SLC10A7: variants seen among roughly 807,000 people sequenced by gnomAD.
The protein encoded by SLC10A7 is solute carrier family 10 member 7.
In SLC10A7, 29 loss-of-function variants were observed where a neutral mutation model predicts 43.2. The observed-to-expected ratio is 0.67, with a 90% CI of 0.50 to 0.92. The LOEUF (loss-of-function observed/expected upper bound fraction) is 0.92. Ranked by LOEUF, SLC10A7 falls within the 40% of genes least tolerant of loss-of-function variation. SLC10A7 has a pLI of 0.00. For synonymous variants in SLC10A7, 152 were observed against 144.8 expected (o/e 1.05, Z -0.35); for missense variants, 295 against 403.2 (o/e 0.73, Z 2.30).
At chr4:146,349,270 T>G (rs917309730) in intron 5 of SLC10A7, among the ~76,000 whole-genome samples, 1 of 151,998 alleles carries the variant, frequency 6.6e-6, no homozygotes, top group South Asian at 2.1e-4. Flanking sequence ...ATGCTCAACA[T>G]CAACAATTAT....
intron 10 of SLC10A7, among the ~76,000 whole-genome samples, chr4:146,268,269 C>G (rs554373652): frequency 6.6e-6 from 1 of 152,284 alleles, no homozygotes; most frequent in African/African-American, 2.4e-5. Flanking sequence ...TCCTAAGAGA[C>G]TTGGCCTTCC....
At chr4:146,498,676 A>C (rs1006649978) in intron 4 of SLC10A7, among the ~76,000 whole-genome samples, 7 of 152,248 alleles carry the variant, frequency 4.6e-5, no homozygotes, top group Non-Finnish European at 1.0e-4. Context: ...ACTACTAAAC[A>C]GTATCATTTG....
At chr4:146,312,360 A>G (rs1269365683) in intron 6 of SLC10A7, among the ~76,000 whole-genome samples, 1 of 152,182 alleles carries the variant, frequency 6.6e-6, no homozygotes, top group Non-Finnish European at 1.5e-5. Flanking sequence ...ATATACATAT[A>G]TATTACAAAA....
chr4:146,455,000 T>C (rs577528702), intron 4 of SLC10A7, among the ~76,000 whole-genome samples: 1 of 151,908 alleles, frequency 6.6e-6, no homozygotes, highest in Admixed American at 6.6e-5. Context: ...TTTGATATTA[T>C]ATCTTTTAAA....
chr4:146,260,073 A>G (rs1728127225), intron 10 of SLC10A7, among the ~76,000 whole-genome samples: 1 of 152,236 alleles, frequency 6.6e-6, no homozygotes, highest in African/African-American at 2.4e-5. Context: ...ACAGCCTCAC[A>G]TATCATTGCC....
At chr4:146,387,739 A>C (rs772222778) in intron 5 of SLC10A7, among the ~76,000 whole-genome samples, 1 of 152,232 alleles carries the variant, frequency 6.6e-6, no homozygotes, top group Non-Finnish European at 1.5e-5. Context: ...AAGTTTCAGG[A>C]TACAAAATCA....
At chr4:146,269,644 C>T (rs1728775377) in intron 10 of SLC10A7, among the ~76,000 whole-genome samples, 1 of 152,212 alleles carries the variant, frequency 6.6e-6, no homozygotes, top group Admixed American at 6.5e-5. Context: ...CTGACTGGCT[C>T]TGGAACTGTT....
intron 5 of SLC10A7, among the ~76,000 whole-genome samples, chr4:146,382,375 T>C (rs2149792818): frequency 6.6e-6 from 1 of 152,252 alleles, no homozygotes; most frequent in Non-Finnish European, 1.5e-5. Flanking sequence ...ACTAACATCA[T>C]GTTACAATTA....
intron 4 of SLC10A7, among the ~76,000 whole-genome samples, chr4:146,443,628 C>A (rs1000403746): frequency 6.6e-6 from 1 of 152,176 alleles, no homozygotes; most frequent in Non-Finnish European, 1.5e-5. Context: ...CTATTTACAT[C>A]TCCTGCATAC....
chr4:146,356,676 T>TA (rs35001413), intron 5 of SLC10A7, among the ~76,000 whole-genome samples: 50,814 of 151,826 alleles, frequency 0.33, 9,507 homozygotes, highest in African/African-American at 0.52. Context: ...CTTATTTGCT[T>TA]TTGTCTATTT....
In SLC10A7 at chr4:146,306,534, T is replaced by G. The variant is rs565710462; in HGVS notation, c.472-525A>C. ...ATGGGAAATCCTGAAATATAACTTA[T>G]TTTTCAACTTAAAATTTCAATATAG... On this transcript the variant is annotated intron_variant, in intron 6 of 11. Coordinates refer to ENST00000335472, the MANE Select transcript of SLC10A7 (RefSeq NM_001029998.6). Among the ~76,000 whole-genome samples, 9 of 152,310 alleles carry G rather than the reference T, an allele frequency of 5.9e-5. No homozygotes were observed. In the South Asian group the frequency reaches 1.9e-3, roughly 32 times the overall value.
intron 4 of SLC10A7, among the ~76,000 whole-genome samples, chr4:146,451,131 T>C (rs1731549636): frequency 7.0e-6 from 1 of 143,548 alleles, no homozygotes; most frequent in South Asian, 2.2e-4. Flanking sequence ...AGCAGTTTTT[T>C]AAGCAAGACA....
At chr4:146,464,488 A>G (rs1431325858) in intron 4 of SLC10A7, among the ~76,000 whole-genome samples, 2 of 152,280 alleles carry the variant, frequency 1.3e-5, no homozygotes, top group East Asian at 3.9e-4. Flanking sequence ...ATACAAGAAC[A>G]TAAAATTTTA....
At chr4:146,398,695 G>C (rs976115898) in intron 5 of SLC10A7, among the ~76,000 whole-genome samples, 1 of 152,158 alleles carries the variant, frequency 6.6e-6, no homozygotes, top group Non-Finnish European at 1.5e-5. Context: ...TTGAGAGGCA[G>C]AAACAAACAA....
intron 4 of SLC10A7, among the ~76,000 whole-genome samples, chr4:146,451,244 A>AAAAC (rs1560921191): frequency 1.3e-5 from 2 of 149,088 alleles, no homozygotes; most frequent in East Asian, 1.9e-4. Flanking sequence ...AAAAAAAAAA[A>AAAAC]AAAAAACAAA....
chr4:146,388,254 C>T (rs1738149631), intron 5 of SLC10A7, among the ~76,000 whole-genome samples: 1 of 151,954 alleles, frequency 6.6e-6, no homozygotes, highest in Non-Finnish European at 1.5e-5. Context: ...AATAGAGAAC[C>T]CAGAAATAAG....
intron 4 of SLC10A7, among the ~76,000 whole-genome samples, chr4:146,493,209 TAATTA>T (rs1735607493): frequency 6.6e-6 from 1 of 152,192 alleles, no homozygotes; most frequent in African/African-American, 2.4e-5. Flanking sequence ...ATATAAACAT[TAATTA>T]GATTAGATTA....
intron 5 of SLC10A7, among the ~76,000 whole-genome samples, chr4:146,422,315 T>G (rs1052242070): frequency 1.3e-5 from 2 of 152,270 alleles, no homozygotes; most frequent in Admixed American, 6.5e-5. Flanking sequence ...AACATCAGTC[T>G]TTTCCTTTAA....
At chr4:146,510,112 T>C (rs1444917056) in intron 2 of SLC10A7, 63 bp from the exon 3 acceptor site, 4 of 1,486,492 alleles carry the variant, frequency 2.7e-6, no homozygotes, top group Non-Finnish European at 3.6e-6. Context: ...AGGAGATCCC[T>C]ACTAAAATAA....
Sources: allele counts gnomAD v4.1 joint callset (sites outside exome capture counted in the v4.1 genomes callset), GRCh38; gene constraint gnomAD v4.1.1; transcripts MANE v1.5; gene names NCBI Gene and HGNC (gene_info 2026-07-23, HGNC 2026-07-21).